FYN: variants seen among roughly 807,000 people sequenced by gnomAD.
FYN encodes the protein tyrosine-protein kinase Fyn.
Under a neutral mutation model 70.2 loss-of-function variants are expected in FYN, and 10 were observed. The observed-to-expected ratio is 0.14, with a 90% CI of 0.09 to 0.24. The LOEUF (loss-of-function observed/expected upper bound fraction) is 0.24, where lower values mean the gene tolerates loss of function less well. FYN is among the 10% of genes least tolerant of loss of function. The probability of loss-of-function intolerance (pLI) is 1.00; values close to 1 mark genes in which losing one functional copy is unlikely to be tolerated. For synonymous variants in FYN, 236 were observed against 248.6 expected, an observed-to-expected ratio of 0.95 and a Z score of 0.48; for missense variants, 319 against 673.1, an observed-to-expected ratio of 0.47 and a Z score of 5.82.
intron 12 of FYN, among the ~76,000 whole-genome samples, chr6:111,691,049 TTGAG>T (rs1799293264): frequency 6.6e-6 from 1 of 152,220 alleles, no homozygotes; most frequent in African/African-American, 2.4e-5. Flanking sequence ...TCTGCTGTAA[TTGAG>T]TGAGATGTCC....
At chr6:111,708,396 G>A (rs991743844) in intron 5 of FYN, among the ~76,000 whole-genome samples, 1 of 152,188 alleles carries the variant, frequency 6.6e-6, no homozygotes, top group African/African-American at 2.4e-5. Context: ...TCTGGGAAGG[G>A]AAGCTTTTTA....
chr6:111,860,369 T>C (rs1001514760), intron 1 of FYN, among the ~76,000 whole-genome samples: 1 of 152,092 alleles, frequency 6.6e-6, no homozygotes, highest in Non-Finnish European at 1.5e-5. Flanking sequence ...GAAAACCCCA[T>C]GGGTGTTTTG....
At chr6:111,706,820 C>A (rs1437412472) in intron 6 of FYN, among the ~76,000 whole-genome samples, 1 of 152,124 alleles carries the variant, frequency 6.6e-6, no homozygotes, top group Non-Finnish European at 1.5e-5. Flanking sequence ...TGAAAGAACA[C>A]AAAGATGTTT....
chr6:111,665,661 A>G (rs1797964595), intron 13 of FYN, among the ~76,000 whole-genome samples: 1 of 152,032 alleles, frequency 6.6e-6, no homozygotes, highest in African/African-American at 2.4e-5. Flanking sequence ...TGGCTCTGTC[A>G]TCTGGGGTGG....
intron 2 of FYN, chr6:111,844,649 C>T (rs1220779163): frequency 1.3e-5 from 2 of 152,222 alleles, no homozygotes; most frequent in East Asian, 1.9e-4. Context: ...CATTTCTACC[C>T]GTTTAGCTTC....
chr6:111,844,954 G>T lies in FYN; in HGVS notation c.-82+1635C>A, dbSNP rs916003386. 21 of 152,248 alleles carry T rather than the reference G, an allele frequency of 1.4e-4. 1 individual carries two copies. The highest frequency in any genetic ancestry group is 4.8e-4 in the African/African-American group (20 of 41,468). The allele number at this position is 152,248 out of a possible 1,614,324, so 9.4% of individuals were successfully genotyped here. A position where few individuals can be genotyped will look rare whatever the true frequency, so the allele number is the denominator to read the frequency against. On this transcript the variant is annotated intron_variant, in intron 2 of 13. Coordinates refer to ENST00000354650, the MANE Select transcript of FYN (RefSeq NM_002037.5). Reference sequence around the variant, plus strand: ...TACTGATAAGAAAAATGAAACTTGGGGAGGAGAAATGATTTTTCTAAGGTC... The same window carrying T: ...TACTGATAAGAAAAATGAAACTTGGTGAGGAGAAATGATTTTTCTAAGGTC...
intron 12 of FYN, among the ~76,000 whole-genome samples, chr6:111,678,831 A>G (rs919019113): frequency 3.3e-5 from 5 of 152,134 alleles, no homozygotes; most frequent in African/African-American, 1.2e-4. Flanking sequence ...GGGCCTGCCT[A>G]TTGAAGGAGG....
At chr6:111,693,848 C>T (rs796136907) in intron 12 of FYN, among the ~76,000 whole-genome samples, 1 of 152,120 alleles carries the variant, frequency 6.6e-6, no homozygotes, top group South Asian at 2.1e-4. Context: ...AGATCCATCC[C>T]TGACGTCTCT....
At chr6:111,712,689 A>G (rs1800439119) in intron 5 of FYN, among the ~76,000 whole-genome samples, 1 of 152,208 alleles carries the variant, frequency 6.6e-6, no homozygotes, top group African/African-American at 2.4e-5. Flanking sequence ...AACTTAGCTC[A>G]TGGCTGGTAC....
At chr6:111,682,832 G>C (rs1489536279) in intron 12 of FYN, among the ~76,000 whole-genome samples, 1 of 152,208 alleles carries the variant, frequency 6.6e-6, no homozygotes, top group Admixed American at 6.5e-5. Flanking sequence ...TAAGGTTGTG[G>C]TGGGAAGAAC....
In FYN at chr6:111,803,266, ATTAATTC is replaced by A. The variant is rs1442536047; in HGVS notation, c.-81-22638_-81-22632del. On this transcript the variant is annotated intron_variant, in intron 2 of 13. Coordinates refer to ENST00000354650, the MANE Select transcript of FYN (RefSeq NM_002037.5). ...CCTTCAGGGGCACTCCTCTGAAAGT[ATTAATTC>A]AATCACTTCAAATATTTGGGCTTCA... 3.7e-4 allele frequency among the ~76,000 whole-genome samples: 56 copies of A among 152,356 alleles called. 1 individual carries two copies. Among genetic ancestry groups the A allele is most frequent in the African/African-American group, 1.3e-3 (54 of 41,590 alleles).
intron 13 of FYN, among the ~76,000 whole-genome samples, chr6:111,673,622 G>GTTTTTTTTTTTTTTTTTTTTTTTTTTTT (rs71021858): frequency 9.4e-5 from 11 of 116,558 alleles, no homozygotes; most frequent in Non-Finnish European, 1.4e-4. Flanking sequence ...TTCTATCATT[G>GTTTTTTTTTTTTTTTTTTTTTTTTTTTT]TTTTTTTTTT....
intron 12 of FYN, among the ~76,000 whole-genome samples, chr6:111,683,197 AC>A (rs1335260724): frequency 6.6e-6 from 1 of 152,240 alleles, no homozygotes; most frequent in Non-Finnish European, 1.5e-5. Context: ...AAATGGTGGC[AC>A]TGCCTTTAGG....
intron 2 of FYN, chr6:111,798,570 C>T (rs1015690826): frequency 6.6e-6 from 1 of 152,224 alleles, no homozygotes; most frequent in African/African-American, 2.4e-5. Flanking sequence ...GTCCTACATA[C>T]CCTGATCCTT....
At chr6:111,683,300 G>A (rs1798851990) in intron 12 of FYN, among the ~76,000 whole-genome samples, 1 of 152,260 alleles carries the variant, frequency 6.6e-6, no homozygotes, top group Admixed American at 6.5e-5. Flanking sequence ...GATGCAGCAT[G>A]ACCCATGGCT....
At chr6:111,830,576 T>G (rs1772985124) in intron 2 of FYN, among the ~76,000 whole-genome samples, 1 of 152,126 alleles carries the variant, frequency 6.6e-6, no homozygotes, top group Admixed American at 6.5e-5. Context: ...AGGCTTGCAC[T>G]GTGGTGGTGT....
At chr6:111,847,067 A>T (rs1773551760) in intron 1 of FYN, among the ~76,000 whole-genome samples, 1 of 152,174 alleles carries the variant, frequency 6.6e-6, no homozygotes, top group Admixed American at 6.5e-5. Flanking sequence ...CACCCAGCCC[A>T]TACCTTCCCC....
At chr6:111,832,799 G>C (rs886584403) in intron 2 of FYN, among the ~76,000 whole-genome samples, 1 of 152,070 alleles carries the variant, frequency 6.6e-6, no homozygotes, top group African/African-American at 2.4e-5. Flanking sequence ...GACAATACTA[G>C]TCAATATATA....
At chr6:111,777,165 T>C (rs1324780792) in intron 3 of FYN, among the ~76,000 whole-genome samples, 3 of 152,238 alleles carry the variant, frequency 2.0e-5, no homozygotes, top group African/African-American at 4.8e-5. Flanking sequence ...TTTTTATCTT[T>C]AGTTGACCGT....
Sources: allele counts gnomAD v4.1 joint callset (sites outside exome capture counted in the v4.1 genomes callset), GRCh38; gene constraint gnomAD v4.1.1; transcripts MANE v1.5; gene names NCBI Gene and HGNC (gene_info 2026-07-23, HGNC 2026-07-21).